NXPH2: variants seen among roughly 807,000 people sequenced by gnomAD.
NXPH2 encodes neurexophilin 2, also known as neurexophilin-2.
Under a neutral mutation model 19.8 loss-of-function variants are expected in NXPH2, and 5 were observed. The ratio of observed to expected loss-of-function variants is 0.25; its 90% CI spans 0.13 to 0.53. The LOEUF (loss-of-function observed/expected upper bound fraction) is 0.53. Among genes scored for constraint, NXPH2 ranks in the 20% least tolerant of loss-of-function variants. The pLI is 0.96. For missense variants in NXPH2, 289 were observed against 322.8 expected, an observed-to-expected ratio of 0.90 and a Z score of 0.80; for synonymous variants, 154 against 127.4, an observed-to-expected ratio of 1.21 and a Z score of -1.41.
At chr2:138,732,798 A>G (rs1681472295) in intron 1 of NXPH2, among the ~76,000 whole-genome samples, 1 of 152,110 alleles carries the variant, frequency 6.6e-6, no homozygotes, top group Admixed American at 6.6e-5. Context: ...TCCTGGTTCC[A>G]TTCCTTATTC....
chr2:138,749,171 T>C (rs961175027), intron 1 of NXPH2, among the ~76,000 whole-genome samples: 1 of 152,146 alleles, frequency 6.6e-6, no homozygotes, highest in Admixed American at 6.6e-5. Context: ...GGAGGTCTAA[T>C]GGTTTTGTAA....
At chr2:138,772,552 C>T (rs1050458613) in intron 1 of NXPH2, among the ~76,000 whole-genome samples, 5 of 152,210 alleles carry the variant, frequency 3.3e-5, no homozygotes, top group African/African-American at 1.2e-4. Flanking sequence ...CCACCTCGAC[C>T]TCTCAAAGTG....
At chr2:138,773,946 G>A (rs1682218139) in intron 1 of NXPH2, among the ~76,000 whole-genome samples, 1 of 152,046 alleles carries the variant, frequency 6.6e-6, no homozygotes, top group South Asian at 2.1e-4. Flanking sequence ...ATCTTTGGTA[G>A]GTCTCACATG....
intron 1 of NXPH2, among the ~76,000 whole-genome samples, chr2:138,766,218 A>T (rs1682089376): frequency 1.3e-5 from 2 of 152,224 alleles, no homozygotes; most frequent in Non-Finnish European, 2.9e-5. Flanking sequence ...CTGAATTAGA[A>T]GAACTAAAAT....
chr2:138,779,580 T>C (rs1317326904), intron 1 of NXPH2, among the ~76,000 whole-genome samples: 1 of 151,762 alleles, frequency 6.6e-6, no homozygotes, highest in East Asian at 2.0e-4. Flanking sequence ...GCATGAAAGT[T>C]ATATCTTGTG....
intron 1 of NXPH2, among the ~76,000 whole-genome samples, chr2:138,695,123 T>C (rs1038360831): frequency 6.6e-6 from 1 of 152,148 alleles, no homozygotes; most frequent in Non-Finnish European, 1.5e-5. Flanking sequence ...ACTAAAATGG[T>C]ATTATGTGGT....
chr2:138,774,482 T>C (rs1308771939), intron 1 of NXPH2, among the ~76,000 whole-genome samples: 1 of 152,236 alleles, frequency 6.6e-6, no homozygotes, highest in African/African-American at 2.4e-5. Context: ...GTAACATATA[T>C]ATACAGTAAC....
At chr2:138,739,634 C>T (rs1479411622) in intron 1 of NXPH2, among the ~76,000 whole-genome samples, 1 of 152,036 alleles carries the variant, frequency 6.6e-6, no homozygotes, top group Non-Finnish European at 1.5e-5. Flanking sequence ...GACTTAGATG[C>T]CAGGTTGAGG....
intron 1 of NXPH2, among the ~76,000 whole-genome samples, chr2:138,682,470 A>C (rs1463948666): frequency 2.0e-5 from 3 of 152,196 alleles, no homozygotes; most frequent in African/African-American, 4.8e-5. Context: ...AAATGATAGA[A>C]TCAAACATAT....
intron 1 of NXPH2, among the ~76,000 whole-genome samples, chr2:138,756,752 T>C (rs1681916326): frequency 6.6e-6 from 1 of 152,192 alleles, no homozygotes; most frequent in African/African-American, 2.4e-5. Flanking sequence ...ACTCTCAGTG[T>C]TCCACAAGAC....
chr2:138,725,049 A>C (rs971511548), intron 1 of NXPH2, among the ~76,000 whole-genome samples: 2 of 152,258 alleles, frequency 1.3e-5, no homozygotes, highest in Admixed American at 6.5e-5. Context: ...ACAGTGAGAA[A>C]GATAAACCAA....
At chr2:138,721,353 T>C (rs1254412668) in intron 1 of NXPH2, among the ~76,000 whole-genome samples, 2 of 149,712 alleles carry the variant, frequency 1.3e-5, no homozygotes, top group Non-Finnish European at 3.0e-5. Context: ...AAAAAAAAAA[T>C]TGCCAGAGGT....
intron 1 of NXPH2, among the ~76,000 whole-genome samples, chr2:138,700,427 G>C (rs1051951965): frequency 2.6e-5 from 4 of 152,104 alleles, no homozygotes; most frequent in African/African-American, 9.7e-5. Flanking sequence ...AACAATTACT[G>C]CTGGGTATCA....
At chr2:138,754,563 C>T (rs1401123924) in intron 1 of NXPH2, among the ~76,000 whole-genome samples, 4 of 152,132 alleles carry the variant, frequency 2.6e-5, no homozygotes, top group Non-Finnish European at 4.4e-5. Flanking sequence ...TATGAAGGTA[C>T]CATGGCTTGT....
chr2:138,677,904 A>G (rs1680510007), intron 1 of NXPH2, among the ~76,000 whole-genome samples: 1 of 152,216 alleles, frequency 6.6e-6, no homozygotes, highest in African/African-American at 2.4e-5. Context: ...TGCACTCGGT[A>G]TCCCCTACCG....
intron 1 of NXPH2, among the ~76,000 whole-genome samples, chr2:138,778,709 T>G (rs1050623835): frequency 6.6e-6 from 1 of 152,242 alleles, no homozygotes; most frequent in Admixed American, 6.5e-5. Flanking sequence ...TTAGATCACC[T>G]TTTATTAGAA....
rs1029476314 is a variant in NXPH2 at position 138,670,878 on chromosome 2, A to T, written c.*44T>A. The T allele has an allele frequency of 2.5e-5, 39 of 1,557,846 alleles. No homozygotes were observed. Among genetic ancestry groups the T allele is most frequent in the Non-Finnish European group, 3.3e-5 (38 of 1,151,026 alleles). The stretch of plus-strand genomic sequence containing the variant: ...GCTGGGCTTGTTTCTTTGTCATTCT[A>T]ATCAAATACATATGTATCCCTCATT... On this transcript the variant is annotated 3_prime_UTR_variant, in exon 2 of 2. Transcript: ENST00000272641.
At chr2:138,733,057 A>G (rs1681476136) in intron 1 of NXPH2, among the ~76,000 whole-genome samples, 1 of 152,218 alleles carries the variant, frequency 6.6e-6, no homozygotes, top group Non-Finnish European at 1.5e-5. Flanking sequence ...CAAATGCCTT[A>G]TATAGCTCTT....
chr2:138,724,933 G>A (rs1681336742), intron 1 of NXPH2, among the ~76,000 whole-genome samples: 1 of 152,212 alleles, frequency 6.6e-6, no homozygotes, highest in Admixed American at 6.5e-5. Context: ...AAGAGGCTAT[G>A]CCAATGGTGA....
Sources: allele counts gnomAD v4.1 joint callset (sites outside exome capture counted in the v4.1 genomes callset), GRCh38; gene constraint gnomAD v4.1.1; transcripts MANE v1.5; gene names NCBI Gene and HGNC (gene_info 2026-07-23, HGNC 2026-07-21).